RSPO3: variants seen among roughly 807,000 people sequenced by gnomAD.
RSPO3 encodes R-spondin-3.
RSPO3 carries 17 observed loss-of-function variants against 36.5 expected under a neutral mutation model. The observed-to-expected ratio is 0.47, with a 90% confidence interval of 0.32 to 0.70. The LOEUF (loss-of-function observed/expected upper bound fraction) is 0.70. Among genes scored for constraint, RSPO3 ranks in the 30% least tolerant of loss-of-function variants. The pLI, the probability that RSPO3 is intolerant of heterozygous loss-of-function variation, is 0.04. For synonymous variants in RSPO3, 108 were observed against 107.0 expected, an observed-to-expected ratio of 1.01 and a Z score of -0.06; for missense variants, 294 against 322.5, an observed-to-expected ratio of 0.91 and a Z score of 0.68.
chr6:127,135,828 G>T (rs886117608), intron 1 of RSPO3, among the ~76,000 whole-genome samples: 7 of 151,354 alleles, frequency 4.6e-5, no homozygotes, highest in African/African-American at 1.7e-4. Flanking sequence ...TGTGGGGGCT[G>T]AAGTGAGAGT....
intron 4 of RSPO3, among the ~76,000 whole-genome samples, chr6:127,178,090 T>C (rs1775092772): frequency 6.6e-6 from 1 of 151,766 alleles, no homozygotes; most frequent in Non-Finnish European, 1.5e-5. Flanking sequence ...GAGAGATCCT[T>C]TACTAGTCAT....
intron 4 of RSPO3, among the ~76,000 whole-genome samples, chr6:127,156,222 T>C (rs1434599734): frequency 6.6e-6 from 1 of 152,218 alleles, no homozygotes; most frequent in African/African-American, 2.4e-5. Flanking sequence ...TCTTTTCATA[T>C]TGATTTCTTT....
At chr6:127,149,863 A>C (rs1774455373) in intron 2 of RSPO3, among the ~76,000 whole-genome samples, 1 of 152,120 alleles carries the variant, frequency 6.6e-6, no homozygotes, top group Non-Finnish European at 1.5e-5. Flanking sequence ...AAAGCATTAT[A>C]GCAATCCTGG....
intron 4 of RSPO3, among the ~76,000 whole-genome samples, chr6:127,190,299 G>A (rs1403106485): frequency 6.6e-6 from 1 of 152,120 alleles, no homozygotes; most frequent in African/African-American, 2.4e-5. Context: ...ACGGTGGCAC[G>A]CACCTGTACT....
At chr6:127,132,980 T>C (rs1284146799) in intron 1 of RSPO3, among the ~76,000 whole-genome samples, 1 of 152,154 alleles carries the variant, frequency 6.6e-6, no homozygotes, top group African/African-American at 2.4e-5. Flanking sequence ...TACCTTAAAA[T>C]TTAAGAACCC....
intron 1 of RSPO3, 63 bp downstream of exon 1, chr6:127,119,352 G>C: frequency 1.6e-6 from 2 of 1,238,964 alleles, no homozygotes; most frequent in Non-Finnish European, 2.4e-6. Flanking sequence ...GGGTCGCTTT[G>C]CCTGTCCGGA....
At chr6:127,183,335 C>A (rs1316539456) in intron 4 of RSPO3, among the ~76,000 whole-genome samples, 1 of 151,996 alleles carries the variant, frequency 6.6e-6, no homozygotes, top group Admixed American at 6.6e-5. Context: ...CATGACAAGT[C>A]AAAATGATAT....
At position 127,132,019 on chromosome 6, in the gene RSPO3, G is replaced by A. The variant is rs536085458; in HGVS notation, c.97+12730G>A. Among the ~76,000 whole-genome samples the A allele has an allele frequency of 3.9e-5, 6 of 152,172 alleles. No individual in the cohort carries two copies. The South Asian group carries it at 1.0e-3, about 26-fold the overall frequency. ...GCTCTGGGCACTGAAATACCTTTTT[G>A]TTAATACAAACCCTTCATATTCTAG... On this transcript the variant is annotated intron_variant, in intron 1 of 4. Transcript: ENST00000356698.
intron 3 of RSPO3, among the ~76,000 whole-genome samples, chr6:127,154,294 A>T (rs1013829778): frequency 1.3e-5 from 2 of 152,154 alleles, no homozygotes; most frequent in Non-Finnish European, 2.9e-5. Flanking sequence ...GTTGTTATAC[A>T]TTAGAAAGTT....
chr6:127,124,046 G>A (rs1396101370), intron 1 of RSPO3, among the ~76,000 whole-genome samples: 2 of 151,916 alleles, frequency 1.3e-5, no homozygotes, highest in African/African-American at 4.8e-5. Flanking sequence ...TTTTTTAGTT[G>A]TAATAATTCT....
chr6:127,141,927 A>T (rs1296706551), intron 1 of RSPO3, among the ~76,000 whole-genome samples: 2 of 152,136 alleles, frequency 1.3e-5, no homozygotes, highest in Non-Finnish European at 2.9e-5. Flanking sequence ...ACAAACACAT[A>T]TGTGCACATA....
chr6:127,119,251 G>T lies in RSPO3; in HGVS notation c.59G>T (p.Gly20Val). 6.2e-7 allele frequency: 1 copy of T among 1,613,194 alleles called. No homozygotes were observed. The highest frequency in any genetic ancestry group is 8.5e-7 in the Non-Finnish European group (1 of 1,179,570). Residue 20 changes from glycine to valine, a missense_variant, in exon 1 of 5, where the codon GGC becomes GTC. Physicochemically the swap from Gly to Val is moderately radical, Grantham distance 109. This residue lies in a region of RSPO3 where 61 missense variants were observed against 51.3 expected (regional missense o/e 1.19). Transcript: ENST00000356698. Reference sequence around the variant, plus strand: ...ATTTTGAACTTTATGGAATACATCGGCAGCCAAAACGCCTCCCGGGGAAGG... The same window carrying T: ...ATTTTGAACTTTATGGAATACATCGTCAGCCAAAACGCCTCCCGGGGAAGG... ...FIILNFMEYI[G>V]SQNASRGRRQ...
At chr6:127,178,283 C>A (rs1775096217) in intron 4 of RSPO3, among the ~76,000 whole-genome samples, 1 of 151,766 alleles carries the variant, frequency 6.6e-6, no homozygotes, top group South Asian at 2.1e-4. Context: ...TCTTAATTAC[C>A]AAACTCATAA....
At chr6:127,189,596 C>T (rs767601475) in intron 4 of RSPO3, among the ~76,000 whole-genome samples, 1 of 152,066 alleles carries the variant, frequency 6.6e-6, no homozygotes, top group East Asian at 1.9e-4. Flanking sequence ...AAATAGAGTG[C>T]CTCTCTTAAA....
intron 4 of RSPO3, among the ~76,000 whole-genome samples, chr6:127,158,127 G>C (rs1035748891): frequency 2.8e-5 from 4 of 145,322 alleles, no homozygotes; most frequent in African/African-American, 1.0e-4. Flanking sequence ...CATATCAACA[G>C]AGCAAATTTA....
At position 127,197,597 on chromosome 6, in the gene RSPO3, C is replaced by A. The variant is rs1301210515; in HGVS notation, c.*1590C>A. 9 of 1,503,758 alleles carry A rather than the reference C, an allele frequency of 6.0e-6. No individual in the cohort carries two copies. The highest frequency in any genetic ancestry group is 8.0e-6 in the Non-Finnish European group (9 of 1,124,438). 93.2% of individuals were successfully genotyped at this position (1,503,758 alleles called of 1,614,324 possible). A position where few individuals can be genotyped will look rare whatever the true frequency, so the allele number is the denominator to read the frequency against. On this transcript the variant is annotated 3_prime_UTR_variant, in exon 5 of 5. Transcript: ENST00000356698. ...CTGCTCTGTCCACTGTGATTCCTAGCCCTCTCAAGATCACTGCTTTCTGAA... is the reference window on the plus strand; with the variant it reads ...CTGCTCTGTCCACTGTGATTCCTAGACCTCTCAAGATCACTGCTTTCTGAA...
At chr6:127,129,664 G>T (rs910895085) in intron 1 of RSPO3, among the ~76,000 whole-genome samples, 1 of 151,924 alleles carries the variant, frequency 6.6e-6, no homozygotes, top group Non-Finnish European at 1.5e-5. Context: ...TTCCCAATAG[G>T]TTATTTACCA....
chr6:127,138,150 G>A (rs1774198957), intron 1 of RSPO3, among the ~76,000 whole-genome samples: 1 of 152,010 alleles, frequency 6.6e-6, no homozygotes, highest in Non-Finnish European at 1.5e-5. Context: ...TTGTAAACAA[G>A]TAATCCAGGC....
chr6:127,184,879 T>A (rs1022495719), intron 4 of RSPO3, among the ~76,000 whole-genome samples: 5 of 151,894 alleles, frequency 3.3e-5, no homozygotes, highest in Non-Finnish European at 5.9e-5. Context: ...AACTTTTCCA[T>A]CAGTGGTGGA....
Sources: allele counts gnomAD v4.1 joint callset (sites outside exome capture counted in the v4.1 genomes callset), GRCh38; gene constraint gnomAD v4.1.1; regional missense constraint gnomAD v4.1.1; transcripts MANE v1.5; gene names NCBI Gene and HGNC (gene_info 2026-07-23, HGNC 2026-07-21).